SOX5: variants seen among roughly 807,000 people sequenced by gnomAD.
SOX5 encodes transcription factor SOX-5.
SOX5 carries 9 observed loss-of-function variants against 92.0 expected under a neutral mutation model. The observed-to-expected ratio is 0.10, with a 90% CI of 0.06 to 0.17. The LOEUF is 0.17. Ranked by LOEUF, SOX5 falls within the 10% of genes least tolerant of loss-of-function variation. SOX5 has a pLI of 1.00. For missense variants in SOX5, 642 were observed against 944.5 expected, an observed-to-expected ratio of 0.68 and a Z score of 4.20; for synonymous variants, 344 against 336.3, an observed-to-expected ratio of 1.02 and a Z score of -0.25.
intron 6 of SOX5, among the ~76,000 whole-genome samples, chr12:23,705,188 G>T (rs2091229865): frequency 6.6e-6 from 1 of 151,974 alleles, no homozygotes; most frequent in East Asian, 1.9e-4. Flanking sequence ...GAAAGGCTGA[G>T]ATTTAATGGA....
Position 24,085,073 on chromosome 12 carries a change from G to C in SOX5, c.-2+128270C>G, listed in dbSNP as rs918571043. 2.8e-5 allele frequency among the ~76,000 whole-genome samples: 4 copies of C among 143,630 alleles called. No individual in the cohort carries two copies. In the Admixed American group the frequency reaches 2.8e-4, roughly 10 times the overall value. 94.2% of individuals were successfully genotyped at this position (143,630 alleles called of 152,430 possible). A position where few individuals can be genotyped will look rare whatever the true frequency, so the allele number is the denominator to read the frequency against. ...ACCACAAGGACTACCTGAAAAAAGAGGGCGCATGTTCTTAGCATGGCTGAC... is the reference window on the plus strand; with the variant it reads ...ACCACAAGGACTACCTGAAAAAAGACGGCGCATGTTCTTAGCATGGCTGAC... On this transcript the variant is annotated intron_variant, in intron 4 of 4. Coordinates refer to the SOX5 transcript ENST00000446891.
In SOX5 at chr12:23,545,970, GC is replaced by G. The variant is rs1439621435; in HGVS notation, c.1597+345del. 2.0e-5 allele frequency among the ~76,000 whole-genome samples: 3 copies of G among 152,054 alleles called. No individual in the cohort carries two copies. In the East Asian group the frequency reaches 5.8e-4, roughly 29 times the overall value. ...TGGGAGGATCACTTGAGCCTGGGAA[GC>G]TAAGCATTTTGAGCATTTGCTTTAG... On this transcript the variant is annotated intron_variant, in intron 12 of 14. Coordinates refer to ENST00000451604, the MANE Select transcript of SOX5 (RefSeq NM_006940.6).
At chr12:24,174,989 C>T (rs1214978076) in intron 4 of SOX5, among the ~76,000 whole-genome samples, 1 of 152,210 alleles carries the variant, frequency 6.6e-6, no homozygotes, top group Non-Finnish European at 1.5e-5. Flanking sequence ...TGTACAGAGA[C>T]TAAAAGCTAT....
intron 1 of SOX5, among the ~76,000 whole-genome samples, chr12:24,475,522 GA>G (rs1281950566): frequency 6.6e-6 from 1 of 152,218 alleles, no homozygotes; most frequent in Non-Finnish European, 1.5e-5. Flanking sequence ...TCTGAACTGT[GA>G]GGACCTGCAC....
intron 4 of SOX5, among the ~76,000 whole-genome samples, chr12:24,179,679 T>A (rs1955248304): frequency 1.3e-5 from 2 of 152,242 alleles, no homozygotes; most frequent in South Asian, 4.1e-4. Flanking sequence ...TTGTGTTAGA[T>A]AATTTTGCCC....
intron 9 of SOX5, among the ~76,000 whole-genome samples, chr12:23,601,241 A>AT (rs1461830708): frequency 2.6e-5 from 4 of 151,812 alleles, no homozygotes; most frequent in Non-Finnish European, 5.9e-5. Flanking sequence ...TCCCCCTTCC[A>AT]TTTTTTGCAA....
At chr12:23,693,904 C>T (rs73280002) in intron 6 of SOX5, among the ~76,000 whole-genome samples, 122 of 152,150 alleles carry the variant, frequency 8.0e-4, no homozygotes, top group African/African-American at 2.8e-3. Context: ...TCTACTTTCC[C>T]TTTCCTTCTT....
At chr12:24,513,847 T>C (rs1330287489) in intron 1 of SOX5, among the ~76,000 whole-genome samples, 3 of 152,236 alleles carry the variant, frequency 2.0e-5, no homozygotes, top group Admixed American at 1.3e-4. Context: ...ACACAATGCT[T>C]TTCCTAATAT....
intron 4 of SOX5, among the ~76,000 whole-genome samples, chr12:24,121,123 A>C (rs1593344195): frequency 2.0e-5 from 3 of 152,324 alleles, no homozygotes; most frequent in South Asian, 4.1e-4. Flanking sequence ...AATGCTTACA[A>C]AACAGACATT....
intron 3 of SOX5, among the ~76,000 whole-genome samples, chr12:24,258,563 T>A (rs1378904239): frequency 6.6e-6 from 1 of 152,216 alleles, no homozygotes; most frequent in East Asian, 1.9e-4. Flanking sequence ...AAATCACTCC[T>A]GTAGAAAAGC....
intron 1 of SOX5, among the ~76,000 whole-genome samples, chr12:24,455,689 G>A (rs534087581): frequency 6.6e-6 from 1 of 152,340 alleles, no homozygotes; most frequent in East Asian, 1.9e-4. Flanking sequence ...ATAGTCGGCT[G>A]AGTATGAGTC....
At chr12:23,543,934 G>A (rs1303306475) in intron 12 of SOX5, among the ~76,000 whole-genome samples, 3 of 152,102 alleles carry the variant, frequency 2.0e-5, no homozygotes, top group African/African-American at 7.2e-5. Flanking sequence ...AATATAATTG[G>A]CTTTTCTTTG....
At chr12:23,563,175 A>C in intron 11 of SOX5, 83 bp downstream of exon 11, 1 of 1,140,956 alleles carries the variant, frequency 8.8e-7, no homozygotes, top group Non-Finnish European at 1.3e-6. Context: ...GGATGATAAG[A>C]AGATGGAAAT....
chr12:24,065,645 C>CAA (rs71445983), intron 4 of SOX5, among the ~76,000 whole-genome samples: 31 of 81,592 alleles, frequency 3.8e-4, no homozygotes, highest in East Asian at 1.8e-3. Flanking sequence ...GACTCCATCT[C>CAA]AAAAAAAAAA....
At chr12:24,080,413 A>G (rs930340591) in intron 4 of SOX5, among the ~76,000 whole-genome samples, 1 of 152,082 alleles carries the variant, frequency 6.6e-6, no homozygotes, top group Admixed American at 6.6e-5. Flanking sequence ...CTACAATGAT[A>G]TATCTCTTAA....
chr12:23,955,162 C>G (rs940700674), upstream of SOX5, among the ~76,000 whole-genome samples: 5 of 151,970 alleles, frequency 3.3e-5, no homozygotes, highest in Non-Finnish European at 4.4e-5. Flanking sequence ...TAGTTCATCT[C>G]AAATACAGCA....
intron 3 of SOX5, among the ~76,000 whole-genome samples, chr12:24,255,682 C>T (rs565403810): frequency 5.6e-4 from 85 of 152,232 alleles, no homozygotes; most frequent in African/African-American, 2.0e-3. Context: ...AAAAAATGCT[C>T]TGTGATCTTT....
intron 1 of SOX5, among the ~76,000 whole-genome samples, chr12:24,429,082 C>T (rs1937688169): frequency 6.6e-6 from 1 of 151,974 alleles, no homozygotes; most frequent in South Asian, 2.1e-4. Context: ...CTTTGGGAGG[C>T]CAAGACGGGA....
chr12:24,226,590 C>G (rs935556648), intron 3 of SOX5, among the ~76,000 whole-genome samples: 3 of 152,234 alleles, frequency 2.0e-5, no homozygotes, highest in African/African-American at 7.2e-5. Flanking sequence ...CCTGCCTCAA[C>G]CTCTGGAGTA....
Sources: allele counts gnomAD v4.1 joint callset (sites outside exome capture counted in the v4.1 genomes callset), GRCh38; gene constraint gnomAD v4.1.1; transcripts MANE v1.5; gene names NCBI Gene and HGNC (gene_info 2026-07-23, HGNC 2026-07-21).